The following BAIAP2L1 variants were observed in gnomAD, a reference collection of about 807,000 sequenced individuals.
The protein encoded by BAIAP2L1 is BAR/IMD domain containing adaptor protein 2 like 1, also known as BAR/IMD domain-containing adapter protein 2-like 1.
BAIAP2L1 carries 35 observed loss-of-function variants against 66.3 expected under a neutral mutation model. The observed-to-expected ratio is 0.53, with a 90% CI of 0.40 to 0.70. The LOEUF (loss-of-function observed/expected upper bound fraction) is 0.70, where lower values mean the gene tolerates loss of function less well. BAIAP2L1 is among the 30% of genes least tolerant of loss of function. BAIAP2L1 has a pLI of 0.00. For missense variants in BAIAP2L1, 622 were observed against 656.9 expected, an observed-to-expected ratio of 0.95 and a Z score of 0.58; for synonymous variants, 269 against 248.7, an observed-to-expected ratio of 1.08 and a Z score of -0.77.
chr7:98,335,481 C>G (rs899278928), intron 3 of BAIAP2L1, among the ~76,000 whole-genome samples: 1 of 152,164 alleles, frequency 6.6e-6, no homozygotes, highest in Admixed American at 6.6e-5. Context: ...TCCTTTACTG[C>G]GTTGCAGGTA....
At position 98,362,406 on chromosome 7, in the gene BAIAP2L1, C is replaced by G. The variant is rs943228404; in HGVS notation, c.78G>C (p.Gly26=). 5.0e-6 allele frequency: 8 copies of G among 1,612,672 alleles called. No homozygotes were observed. Among genetic ancestry groups the G allele is most frequent in the African/African-American group, 4.0e-5 (3 of 74,878 alleles). ...YRNVMEQFNP[G]LRNLINLGKN... is the part of the protein sequence containing the mutation. ...TCCCCAGGTTTATTAAATTTCGCAG[C>G]CCAGGATTGAACTGTTCCATAACAT... Residue 26 remains glycine, a synonymous_variant, in exon 2 of 14, where the codon GGG becomes GGC. Coordinates refer to ENST00000005260, the MANE Select transcript of BAIAP2L1 (RefSeq NM_018842.5).
At chr7:98,321,860 G>A (rs781414052) in intron 3 of BAIAP2L1, among the ~76,000 whole-genome samples, 73 of 152,330 alleles carry the variant, frequency 4.8e-4, no homozygotes, top group Non-Finnish European at 8.8e-4. Flanking sequence ...ACTTTTGGGA[G>A]GCTGAGGTGG....
At chr7:98,382,383 C>T (rs1299234982) in intron 1 of BAIAP2L1, among the ~76,000 whole-genome samples, 2 of 152,092 alleles carry the variant, frequency 1.3e-5, no homozygotes, top group African/African-American at 2.4e-5. Flanking sequence ...CAGTGGCTCA[C>T]GCCTGTAATC....
chr7:98,352,269 GA>G (rs1393471260), intron 3 of BAIAP2L1, among the ~76,000 whole-genome samples: 2 of 152,162 alleles, frequency 1.3e-5, no homozygotes, highest in African/African-American at 4.8e-5. Flanking sequence ...AACTACATGA[GA>G]TAGCAAGTAT....
In BAIAP2L1 at chr7:98,304,216, T is replaced by C; in HGVS notation, c.1402A>G (p.Lys468Glu). Residue 468 changes from lysine to glutamate, a missense_variant, in exon 12 of 14, where the codon AAG (lysine) becomes GAG (glutamate). By Grantham distance (56) the Lys-to-Glu change is moderately conservative. Transcript: ENST00000005260. ...CTCACAGGAGCCGCGGTCTCGGGCTTGGACGCTGGGGCCTTAAAGGTGGAT... is the reference window on the plus strand; with the variant it reads ...CTCACAGGAGCCGCGGTCTCGGGCTCGGACGCTGGGGCCTTAAAGGTGGAT... ...TTSTFKAPAS[K>E]PETAAPNDAN... The C allele has an allele frequency of 6.2e-7, 1 of 1,606,708 alleles. No individual in the cohort carries two copies. Among genetic ancestry groups the C allele is most frequent in the Non-Finnish European group, 8.5e-7 (1 of 1,176,280 alleles).
chr7:98,324,486 G>A (rs1801330104), intron 3 of BAIAP2L1, among the ~76,000 whole-genome samples: 1 of 152,184 alleles, frequency 6.6e-6, no homozygotes, highest in Non-Finnish European at 1.5e-5. Context: ...TTAGCCAATA[G>A]GTGGTATGGA....
chr7:98,362,308 T>C (rs1193601915), intron 2 of BAIAP2L1, 49 bp downstream of exon 2: 2 of 1,369,172 alleles, frequency 1.5e-6, no homozygotes, highest in African/African-American at 1.5e-5. Flanking sequence ...AATAATTACA[T>C]ATTTACTGAG....
At chr7:98,383,461 A>AT (rs1802809663) in intron 1 of BAIAP2L1, among the ~76,000 whole-genome samples, 1 of 151,748 alleles carries the variant, frequency 6.6e-6, no homozygotes, top group African/African-American at 2.4e-5. Flanking sequence ...TTATTTTTGT[A>AT]TTTTTAGTAG....
chr7:98,361,143 G>T (rs112003950), intron 2 of BAIAP2L1, among the ~76,000 whole-genome samples: 3 of 152,120 alleles, frequency 2.0e-5, no homozygotes, highest in Non-Finnish European at 4.4e-5. Flanking sequence ...GATTACCTGA[G>T]GTCAGGAGTT....
At chr7:98,391,007 T>G (rs1803027513) in intron 1 of BAIAP2L1, among the ~76,000 whole-genome samples, 1 of 151,228 alleles carries the variant, frequency 6.6e-6, no homozygotes, top group Non-Finnish European at 1.5e-5. Flanking sequence ...CTAATTTTTT[T>G]TTTTTTTTGT....
At chr7:98,308,525 C>G (rs980349805) in intron 9 of BAIAP2L1, 57 of 347,266 alleles carry the variant, frequency 1.6e-4, no homozygotes, top group Non-Finnish European at 2.9e-4. Context: ...ACAGACCCCA[C>G]AGCTGGCAAG....
chr7:98,362,550 G>T, intron 1 of BAIAP2L1, 118 bp from the exon 2 acceptor site: 1 of 744,640 alleles, frequency 1.3e-6, no homozygotes, highest in South Asian at 1.9e-5. Context: ...AGTCTACAAA[G>T]TAATGAATGC....
Position 98,317,248 on chromosome 7 carries a change from C to A in BAIAP2L1, c.457G>T (p.Ala153Ser), listed in dbSNP as rs151171453. ...ATTTCTTTGTGTTCATATTTGAGTG[C>A]GTTTCGGCTTCCTTGGCTTTTCCTT... is the stretch of plus-strand genomic sequence containing the variant. ...IRRKSQGSRN[A>S]LKYEHKEIEY... Residue 153 changes from alanine to serine, a missense_variant, in exon 6 of 14, where the codon GCA becomes TCA. Physicochemically the swap from Ala to Ser is moderately conservative, Grantham distance 99. Transcript: ENST00000005260. 5 of 1,614,072 alleles carry A rather than the reference C, an allele frequency of 3.1e-6. No homozygotes were observed. Among genetic ancestry groups the A allele is most frequent in the Non-Finnish European group, 4.2e-6 (5 of 1,180,044 alleles).
At chr7:98,334,244 G>A (rs1478764226) in intron 3 of BAIAP2L1, among the ~76,000 whole-genome samples, 2 of 152,044 alleles carry the variant, frequency 1.3e-5, no homozygotes, top group Non-Finnish European at 2.9e-5. Flanking sequence ...CCCTGCCTTC[G>A]AGTTTAAATG....
intron 1 of BAIAP2L1, among the ~76,000 whole-genome samples, chr7:98,375,689 C>T (rs984370573): frequency 3.6e-5 from 5 of 139,954 alleles, no homozygotes; most frequent in South Asian, 2.3e-4. Flanking sequence ...GCGGAGGTTG[C>T]GGTGATCACA....
At chr7:98,367,823 C>T (rs1802422137) in intron 1 of BAIAP2L1, among the ~76,000 whole-genome samples, 1 of 151,926 alleles carries the variant, frequency 6.6e-6, no homozygotes, top group Admixed American at 6.6e-5. Context: ...GGGGTTTCGC[C>T]ATGTTGGTCA....
chr7:98,395,887 G>A (rs776006046), intron 1 of BAIAP2L1, among the ~76,000 whole-genome samples: 17 of 151,988 alleles, frequency 1.1e-4, no homozygotes, highest in African/African-American at 2.9e-4. Flanking sequence ...AAAATTAGCC[G>A]GGCATGGCGG....
At chr7:98,382,876 A>G (rs1802791019) in intron 1 of BAIAP2L1, among the ~76,000 whole-genome samples, 1 of 152,226 alleles carries the variant, frequency 6.6e-6, no homozygotes, top group Non-Finnish European at 1.5e-5. Flanking sequence ...AATTCCTACT[A>G]GGATAATACC....
chr7:98,345,572 A>G (rs1471959006), intron 3 of BAIAP2L1, among the ~76,000 whole-genome samples: 1 of 152,018 alleles, frequency 6.6e-6, no homozygotes, highest in Admixed American at 6.6e-5. Flanking sequence ...TAAAAATACA[A>G]AAATTAGCTG....
Sources: allele counts gnomAD v4.1 joint callset (sites outside exome capture counted in the v4.1 genomes callset), GRCh38; gene constraint gnomAD v4.1.1; transcripts MANE v1.5; gene names NCBI Gene and HGNC (gene_info 2026-07-23, HGNC 2026-07-21).